The following PGA5 variants were observed in gnomAD, a reference collection of about 807,000 sequenced individuals.
PGA5 encodes the protein pepsinogen A5.
In PGA5, 19 loss-of-function variants were observed where a neutral mutation model predicts 15.9. The ratio of observed to expected loss-of-function variants is 1.19; its 90% CI spans 0.83 to 1.75. The LOEUF is 1.75. PGA5 is among the 40% of genes most tolerant of loss of function. PGA5 has a pLI of 0.00. For missense variants in PGA5, 224 were observed against 246.4 expected, an observed-to-expected ratio of 0.91 and a Z score of 0.61; for synonymous variants, 92 against 95.8, an observed-to-expected ratio of 0.96 and a Z score of 0.23.
chr11:61,250,821 A>C, intron 8 of PGA5: 2 of 614,506 alleles, frequency 3.3e-6, no homozygotes, highest in Non-Finnish European at 6.1e-6. Context: ...ATGTAGTGGC[A>C]GGGTTTTTAA....
At chr11:61,249,482 G>A in intron 6 of PGA5, 187 bp from the exon 7 acceptor site, 1 of 1,164,660 alleles carries the variant, frequency 8.6e-7, no homozygotes, top group South Asian at 1.5e-5. Context: ...CAGAGGGTAG[G>A]CACTTGGGAA....
rs370612084 is a variant in PGA5, at chr11:61,249,712, C to T, written c.817C>T (p.Gln273Ter). 4.2e-4 allele frequency: 684 copies of T among 1,613,536 alleles called. 14 individuals are homozygous for T. The South Asian group carries it at 7.1e-3, about 17-fold the overall frequency. Residue 273 changes from glutamine (Q) to a stop codon, truncating the protein, a stop_gained, in exon 7 of 9, where the codon CAG becomes TAG. Transcript: ENST00000312403. LOFTEE classifies it high-confidence loss of function. ...GACCATCGCCTGTGCTGAGGGCTGC[C>T]AGGCCATTGTTGACACCGGCACCTC... ...GETIACAEGC[Q>*]AIVDTGTSLL...
Position 61,247,108 on chromosome 11 carries a change from A to G in PGA5, c.656+963A>G, listed in dbSNP as rs555452780. The stretch of plus-strand genomic sequence containing the variant: ...CAGCTTTCCTCTAACACTCACCTAC[A>G]TCGTCCTCTCTTGAAAGGGTTCGCC... On this transcript the variant is annotated intron_variant, in intron 5 of 8. Transcript: ENST00000312403. 7.2e-5 allele frequency among the ~76,000 whole-genome samples: 11 copies of G among 152,022 alleles called. 1 individual carries two copies. The East Asian group carries it at 1.5e-3, about 21-fold the overall frequency.
In PGA5 at chr11:61,246,960, G is replaced by T. The variant is rs374363889; in HGVS notation, c.656+815G>T. Reference sequence around the variant, plus strand: ...ATTTGTGACCGGGGGCTAATTCTAGGAATGAACAAAGAATAAATGAACAAA... The same window carrying T: ...ATTTGTGACCGGGGGCTAATTCTAGTAATGAACAAAGAATAAATGAACAAA... On this transcript the variant is annotated intron_variant, in intron 5 of 8. Coordinates refer to ENST00000312403, the MANE Select transcript of PGA5 (RefSeq NM_014224.5). 2.0e-5 allele frequency among the ~76,000 whole-genome samples: 3 copies of T among 151,924 alleles called. 1 individual carries two copies. The highest frequency in any genetic ancestry group is 7.3e-5 in the African/African-American group (3 of 41,228).
chr11:61,248,342 T>C (rs530398792), intron 5 of PGA5, 77 bp from the exon 6 acceptor site: 5 of 1,613,742 alleles, frequency 3.1e-6, no homozygotes, highest in African/African-American at 2.7e-5. Context: ...CAACGGTCGC[T>C]CTGAGGAGGC....
intron 6 of PGA5, chr11:61,249,392 T>C (rs1200179275): frequency 6.9e-6 from 4 of 583,404 alleles, no homozygotes; most frequent in East Asian, 3.1e-5. Flanking sequence ...ACATAACTTA[T>C]CTTGCCAGCT....
chr11:61,250,151 C>T (rs1854120697), intron 8 of PGA5, 137 bp downstream of exon 8: 1 of 733,364 alleles, frequency 1.4e-6, no homozygotes, highest in African/African-American at 1.8e-5. Context: ...CCTAGACAGC[C>T]TCCAGAGAAA....
chr11:61,246,521 C>T (rs996131718), intron 5 of PGA5, among the ~76,000 whole-genome samples: 10 of 151,916 alleles, frequency 6.6e-5, no homozygotes, highest in Middle Eastern at 3.4e-3. Context: ...TTTGGGATTA[C>T]AGCACTGAGG....
Position 61,250,033 on chromosome 11 carries a change from A to G in PGA5, c.1017+19A>G, listed in dbSNP as rs375356430. 691 of 1,605,400 alleles carry G rather than the reference A, an allele frequency of 4.3e-4. 2 individuals are homozygous for G. The highest frequency in any genetic ancestry group is 5.5e-4 in the Non-Finnish European group (645 of 1,176,812). On this transcript the variant is annotated intron_variant, in intron 8 of 8. Coordinates refer to ENST00000312403, the MANE Select transcript of PGA5 (RefSeq NM_014224.5). ...CCTGCAGGTGAGGAGGCTCTGGACC[A>G]TCCACTAGAGAGGTTCACACAGAAT...
chr11:61,250,816 G>A (rs540053511), intron 8 of PGA5: 2 of 601,510 alleles, frequency 3.3e-6, no homozygotes, highest in African/African-American at 3.7e-5. Context: ...AAAGGATGTA[G>A]TGGCAGGGTT....
chr11:61,246,560 A>C (rs938469112), intron 5 of PGA5, among the ~76,000 whole-genome samples: 1 of 151,812 alleles, frequency 6.6e-6, no homozygotes, highest in East Asian at 1.9e-4. Context: ...TCAGGAGTTC[A>C]AGACCAGCCT....
Position 61,251,288 on chromosome 11 carries a change from G to C in PGA5, c.*7G>C. ...CCTGGCCCCTGTGGCTTAAGCCTAA[G>C]TCTCTTCAGCCACCTCCCAGGAAGA... On this transcript the variant is annotated 3_prime_UTR_variant, in exon 9 of 9. Transcript: ENST00000312403. 1.2e-6 allele frequency: 2 copies of C among 1,611,826 alleles called. No homozygotes were observed. Among genetic ancestry groups the C allele is most frequent in the Non-Finnish European group, 1.7e-6 (2 of 1,179,858 alleles).
In PGA5 at chr11:61,251,205, G is replaced by T. The variant is rs1167681073; in HGVS notation, c.1091G>T (p.Gly364Val). ...GAATCTGGAGAGCTTTGGATCCTGG[G>T]TGATGTCTTCATCCGCCAGTACTTT... ...PTESGELWILGDVFIRQYFTV... is the reference protein window; with the variant it reads ...PTESGELWILVDVFIRQYFTV... The change falls in exon 9 of 9, where the codon GGT becomes GTT. Residue 364 changes from glycine to valine, a missense_variant. Transcript: ENST00000312403. 1 of 1,611,856 alleles carries T rather than the reference G, an allele frequency of 6.2e-7. No homozygotes were observed. Among genetic ancestry groups the T allele is most frequent in the Non-Finnish European group, 8.5e-7 (1 of 1,179,856 alleles).
intron 6 of PGA5, among the ~76,000 whole-genome samples, chr11:61,248,862 G>A (rs1316089524): frequency 6.6e-6 from 1 of 152,112 alleles, no homozygotes; most frequent in Non-Finnish European, 1.5e-5. Flanking sequence ...CAATTTAAGG[G>A]GGCTGTGAAC....
Position 61,248,511 on chromosome 11 carries a change from G to T in PGA5, c.749G>T (p.Gly250Val). Residue 250 changes from glycine (G) to valine (V), a missense_variant, in exon 6 of 9, where the codon GGT (glycine) becomes GTT (valine). Coordinates refer to ENST00000312403, the MANE Select transcript of PGA5 (RefSeq NM_014224.5). ...SLNWVPVTVEGYWQITVDSIT... is the reference protein window; with the variant it reads ...SLNWVPVTVEVYWQITVDSIT... ...AACTGGGTGCCTGTTACCGTCGAGG[G>T]TTACTGGCAGATCACCGTGGACAGG... 6.2e-7 allele frequency: 1 copy of T among 1,612,818 alleles called. No homozygotes were observed. The highest frequency in any genetic ancestry group is 8.5e-7 in the Non-Finnish European group (1 of 1,179,850).
intron 5 of PGA5, among the ~76,000 whole-genome samples, chr11:61,247,782 G>A (rs1854083887): frequency 6.6e-6 from 1 of 151,992 alleles, no homozygotes; most frequent in Non-Finnish European, 1.5e-5. Flanking sequence ...AATATTTCAT[G>A]TGGGGCCATT....
intron 8 of PGA5, chr11:61,250,599 A>G: frequency 2.2e-6 from 1 of 458,388 alleles, no homozygotes; most frequent in Non-Finnish European, 4.4e-6. Context: ...GACTCAAGTT[A>G]TTCAACAAGA....
rs761406422 is a variant in PGA5 at position 61,249,865 on chromosome 11, G to C, written c.919-51G>C. 6 of 1,613,672 alleles carry C rather than the reference G, an allele frequency of 3.7e-6. No homozygotes were observed. The South Asian group carries it at 5.5e-5, about 15-fold the overall frequency. On this transcript the variant is annotated intron_variant, in intron 7 of 8. Transcript: ENST00000312403. ...CTACACTCAAGTAGTGGGTGTGCCAGGCAGAAGCGACGAAAACCCTTCTAA... is the reference window on the plus strand; with the variant it reads ...CTACACTCAAGTAGTGGGTGTGCCACGCAGAAGCGACGAAAACCCTTCTAA...
rs542075507 is a variant in PGA5, at chr11:61,249,477, G to A, written c.774-192G>A. 2.6e-3 allele frequency: 2,933 copies of A among 1,136,508 alleles called. 11 individuals carry two copies. Among genetic ancestry groups the A allele is most frequent in the Middle Eastern group, 4.0e-3 (14 of 3,484 alleles). 70.4% of individuals were successfully genotyped at this position (1,136,508 alleles called of 1,614,324 possible). A position where few individuals can be genotyped will look rare whatever the true frequency, so the allele number is the denominator to read the frequency against. ...TTGGCGTTTCCCATGCCTGGCAGAG[G>A]GTAGGCACTTGGGAAATATTTGTAG... On this transcript the variant is annotated intron_variant, in intron 6 of 8. Transcript: ENST00000312403.
Sources: gnomAD v4.1 joint callset for allele counts (sites outside exome capture counted in the v4.1 genomes callset) on GRCh38, gnomAD v4.1.1 for gene constraint, MANE v1.5 for transcripts, NCBI Gene and HGNC (gene_info 2026-07-23, HGNC 2026-07-21) for gene names.